Variants in SLC2A13 observed in about 807,000 individuals in gnomAD.
SLC2A13 encodes proton myo-inositol cotransporter.
In SLC2A13, 32 loss-of-function variants were observed where a neutral mutation model predicts 64.4. That is an observed-to-expected ratio of 0.50 (90% CI 0.37 to 0.67). The LOEUF (loss-of-function observed/expected upper bound fraction) is 0.67, where lower values mean the gene tolerates loss of function less well. Among genes scored for constraint, SLC2A13 ranks in the 30% least tolerant of loss-of-function variants. The pLI is 0.00. For missense variants in SLC2A13, 743 were observed against 829.2 expected (o/e 0.90, Z 1.28); for synonymous variants, 338 against 327.1 (o/e 1.03, Z -0.36).
intron 4 of SLC2A13, among the ~76,000 whole-genome samples, chr12:39,895,049 T>C (rs976546700): frequency 6.6e-6 from 1 of 152,024 alleles, no homozygotes; most frequent in Non-Finnish European, 1.5e-5. Flanking sequence ...AACTTTTTGT[T>C]TTTGAGATGG....
chr12:40,000,017 A>G (rs559762696), intron 3 of SLC2A13, among the ~76,000 whole-genome samples: 43 of 152,290 alleles, frequency 2.8e-4, no homozygotes, highest in Non-Finnish European at 3.4e-4. Flanking sequence ...AAATAGAAAG[A>G]ACCTACACTG....
chr12:40,072,486 A>G (rs904283313), intron 1 of SLC2A13, among the ~76,000 whole-genome samples: 2 of 152,114 alleles, frequency 1.3e-5, no homozygotes, highest in Non-Finnish European at 2.9e-5. Context: ...TAGAAGGGTA[A>G]TGAAGTCTCC....
At chr12:39,784,334 G>C (rs1204538675) in intron 7 of SLC2A13, among the ~76,000 whole-genome samples, 1 of 152,142 alleles carries the variant, frequency 6.6e-6, no homozygotes, top group Non-Finnish European at 1.5e-5. Context: ...ACACTAGAAG[G>C]CTACAGTAAC....
chr12:39,922,397 A>G (rs1945630117), intron 4 of SLC2A13, among the ~76,000 whole-genome samples: 3 of 152,218 alleles, frequency 2.0e-5, no homozygotes, highest in Admixed American at 6.5e-5. Context: ...GCCTAAAACA[A>G]AAAAGAGATT....
At chr12:39,873,642 G>A (rs1036596234) in intron 4 of SLC2A13, among the ~76,000 whole-genome samples, 1 of 151,778 alleles carries the variant, frequency 6.6e-6, no homozygotes, top group African/African-American at 2.4e-5. Context: ...TAGAGGCAGG[G>A]GAAAATTAAA....
intron 7 of SLC2A13, among the ~76,000 whole-genome samples, chr12:39,789,015 A>G (rs1941284101): frequency 6.6e-6 from 1 of 152,162 alleles, no homozygotes; most frequent in African/African-American, 2.4e-5. Context: ...TTAACTTATT[A>G]AAGTCTGTTA....
intron 3 of SLC2A13, among the ~76,000 whole-genome samples, chr12:40,003,258 C>G (rs1947348842): frequency 6.6e-6 from 1 of 152,174 alleles, no homozygotes; most frequent in South Asian, 2.1e-4. Context: ...GCCTCAACTT[C>G]CACTTCAAAA....
At chr12:40,080,892 G>T (rs1938370656) in intron 1 of SLC2A13, among the ~76,000 whole-genome samples, 1 of 152,216 alleles carries the variant, frequency 6.6e-6, no homozygotes, top group Non-Finnish European at 1.5e-5. Flanking sequence ...TAAAGCAAGT[G>T]TGGTGGTAAT....
At chr12:40,027,499 G>A (rs1191745555) in intron 3 of SLC2A13, among the ~76,000 whole-genome samples, 2 of 152,172 alleles carry the variant, frequency 1.3e-5, no homozygotes, top group Non-Finnish European at 1.5e-5. Flanking sequence ...AGGCAACAAT[G>A]GTCAGCTCCA....
chr12:39,962,502 C>G (rs1028558719), intron 3 of SLC2A13, among the ~76,000 whole-genome samples: 1 of 152,184 alleles, frequency 6.6e-6, no homozygotes, highest in Non-Finnish European at 1.5e-5. Flanking sequence ...TCACAGTCAC[C>G]CATTTATGCA....
At chr12:39,779,792 C>A (rs1327513988) in intron 7 of SLC2A13, among the ~76,000 whole-genome samples, 1 of 152,196 alleles carries the variant, frequency 6.6e-6, no homozygotes, top group East Asian at 1.9e-4. Flanking sequence ...CTGTATCATC[C>A]TAAGCTTTAA....
intron 4 of SLC2A13, among the ~76,000 whole-genome samples, chr12:39,889,529 CTT>C (rs56189217): frequency 4.2e-5 from 5 of 119,856 alleles, no homozygotes; most frequent in Middle Eastern, 5.0e-3. Context: ...GGTAAACAAC[CTT>C]TTTTTTTTTT....
At chr12:39,990,798 C>T (rs1447238288) in intron 3 of SLC2A13, among the ~76,000 whole-genome samples, 3 of 152,150 alleles carry the variant, frequency 2.0e-5, no homozygotes, top group African/African-American at 7.2e-5. Flanking sequence ...TTAAGCAATG[C>T]CAACTCTCTC....
intron 7 of SLC2A13, among the ~76,000 whole-genome samples, chr12:39,825,700 TTC>T (rs894233329): frequency 4.6e-5 from 7 of 152,184 alleles, no homozygotes; most frequent in Non-Finnish European, 1.0e-4. Context: ...TGTTTGTGCC[TTC>T]TCTCTCTTCT....
chr12:39,976,986 A>C (rs1041323270), intron 3 of SLC2A13, among the ~76,000 whole-genome samples: 18 of 152,216 alleles, frequency 1.2e-4, no homozygotes, highest in Admixed American at 6.5e-4. Flanking sequence ...CTAAAAATTA[A>C]CTTTAAACAA....
chr12:39,798,604 C>A (rs1388310956), intron 7 of SLC2A13, among the ~76,000 whole-genome samples: 3 of 152,202 alleles, frequency 2.0e-5, no homozygotes, highest in Admixed American at 2.0e-4. Flanking sequence ...CTGAGCAGGC[C>A]CTCCAGCTCC....
At chr12:39,873,215 C>A (rs1428465881) in intron 4 of SLC2A13, among the ~76,000 whole-genome samples, 2 of 152,134 alleles carry the variant, frequency 1.3e-5, no homozygotes, top group Non-Finnish European at 2.9e-5. Context: ...TTACTGATCA[C>A]ACTAAAAAGC....
At chr12:40,021,834 G>T (rs766800469) in intron 3 of SLC2A13, among the ~76,000 whole-genome samples, 1 of 152,126 alleles carries the variant, frequency 6.6e-6, no homozygotes, top group African/African-American at 2.4e-5. Context: ...ACGAGTATTT[G>T]ACTGCAGTGT....
intron 3 of SLC2A13, 54 bp from the exon 4 acceptor site, chr12:39,951,419 A>G (rs1329345118): frequency 1.4e-6 from 2 of 1,422,914 alleles, no homozygotes; most frequent in African/African-American, 1.5e-5. Context: ...TAGCTCTCAT[A>G]GTAATTATTC....
Sources: allele counts gnomAD v4.1 joint callset (sites outside exome capture counted in the v4.1 genomes callset), GRCh38; gene constraint gnomAD v4.1.1; transcripts MANE v1.5; gene names NCBI Gene and HGNC (gene_info 2026-07-23, HGNC 2026-07-21).